Variants in ORC3 observed in about 807,000 individuals in gnomAD.
The protein encoded by ORC3 is origin recognition complex subunit 3.
A neutral mutation model predicts 100.7 loss-of-function variants in ORC3; 78 were observed. That is an observed-to-expected ratio of 0.77 (90% CI 0.65 to 0.94). The LOEUF (loss-of-function observed/expected upper bound fraction) is 0.94. ORC3 is among the 40% of genes least tolerant of loss of function. The pLI is 0.00. For missense variants in ORC3, 789 were observed against 823.9 expected (o/e 0.96, Z 0.52); for synonymous variants, 295 against 289.3 (o/e 1.02, Z -0.20).
chr6:87,629,088 GTGGTTTGGCAT>G, intron 11 of ORC3, among the ~76,000 whole-genome samples: 1 of 152,182 alleles, frequency 6.6e-6, no homozygotes, highest in East Asian at 1.9e-4. Context: ...GGAGAAAGCT[GTGGTTTGGCAT>G]TCTTATTAGA....
At chr6:87,669,079 C>T (rs1183706523), downstream of ORC3, among the ~76,000 whole-genome samples, 1 of 152,222 alleles carries the variant, frequency 6.6e-6, no homozygotes, top group Non-Finnish European at 1.5e-5. Flanking sequence ...ATCGCTTAAA[C>T]CCAGAAGGTG....
chr6:87,641,337 ACTTTTCTACAGTTGACAGAGCTGAAACT>A lies in ORC3; in HGVS notation c.1382+4856_1382+4883del, dbSNP rs150835603. On this transcript the variant is annotated intron_variant, in intron 13 of 19. Coordinates refer to ENST00000392844, the MANE Select transcript of ORC3 (RefSeq NM_012381.4). ...GAGGAAACCAAGGCCAGAAACATTG[ACTTTTCTACAGTTGACAGAGCTGAAACT>A]CTTTCAACCCTATTCCAGTTACTTA... 3.3e-4 allele frequency among the ~76,000 whole-genome samples: 51 copies of A among 152,344 alleles called. No individual in the cohort carries two copies. The East Asian group carries it at 7.9e-3, about 24-fold the overall frequency.
chr6:87,633,128 A>G (rs1191180250), intron 11 of ORC3, among the ~76,000 whole-genome samples: 2 of 152,238 alleles, frequency 1.3e-5, no homozygotes, highest in Non-Finnish European at 2.9e-5. Context: ...ATACTTGTAC[A>G]CATAGCTATT....
At chr6:87,611,990 A>G (rs1778805139) in intron 7 of ORC3, 99 bp from the exon 8 acceptor site, 7 of 1,104,834 alleles carry the variant, frequency 6.3e-6, no homozygotes, top group Non-Finnish European at 9.1e-6. Context: ...TGTCTTATAA[A>G]GTAAGCATTA....
At chr6:87,675,468 G>T in the ORC3 span, 14 of 1,305,578 alleles carry the variant, frequency 1.1e-5, no homozygotes, top group East Asian at 2.4e-5. Context: ...AAGAGTGGTT[G>T]CCACTGACGA....
intron 2 of ORC3, among the ~76,000 whole-genome samples, chr6:87,597,575 A>G (rs1745011423): frequency 6.6e-6 from 1 of 152,134 alleles, no homozygotes; most frequent in African/African-American, 2.4e-5. Context: ...CCCATGTACT[A>G]GTTTTGAATT....
At chr6:87,604,555 G>A (rs1366429495) in intron 4 of ORC3, among the ~76,000 whole-genome samples, 1 of 152,110 alleles carries the variant, frequency 6.6e-6, no homozygotes, top group Non-Finnish European at 1.5e-5. Context: ...TTAAAATCAT[G>A]GTCTGAGGAG....
At chr6:87,605,649 CAAAA>C (rs936455645) in intron 4 of ORC3, among the ~76,000 whole-genome samples, 2 of 115,266 alleles carry the variant, frequency 1.7e-5, no homozygotes, top group Admixed American at 9.2e-5. Context: ...GATTCTGTCT[CAAAA>C]AAAAAAAAAA....
chr6:87,607,336 C>G (rs1207554152), intron 5 of ORC3, among the ~76,000 whole-genome samples: 1 of 151,692 alleles, frequency 6.6e-6, no homozygotes, highest in Non-Finnish European at 1.5e-5. Context: ...AGGCTTGAGG[C>G]AGGAGAATTG....
intron 9 of ORC3, among the ~76,000 whole-genome samples, chr6:87,617,060 G>A (rs948330047): frequency 2.6e-5 from 4 of 152,216 alleles, no homozygotes; most frequent in African/African-American, 9.6e-5. Context: ...GGTTCCCAGA[G>A]TGCTGGGATT....
intron 1 of ORC3, among the ~76,000 whole-genome samples, chr6:87,592,402 G>A (rs1315039844): frequency 6.6e-6 from 1 of 152,036 alleles, no homozygotes; most frequent in Non-Finnish European, 1.5e-5. Context: ...AGGCCGAGGT[G>A]GGTGGATCAT....
chr6:87,607,650 T>G (rs1778439045), intron 5 of ORC3, 23 bp from the exon 6 acceptor site: 2 of 1,560,344 alleles, frequency 1.3e-6, no homozygotes, highest in Non-Finnish European at 1.7e-6. Context: ...GAGATAAGCT[T>G]TCTTACTTTT....
chr6:87,631,426 G>T (rs1047713427), intron 11 of ORC3, among the ~76,000 whole-genome samples: 3 of 152,180 alleles, frequency 2.0e-5, no homozygotes. Flanking sequence ...CATATGGAAA[G>T]TAGGGTTAAT....
chr6:87,594,294 T>C (rs1252593110), intron 1 of ORC3, 59 bp from the exon 2 acceptor site: 2 of 1,256,902 alleles, frequency 1.6e-6, no homozygotes, highest in Non-Finnish European at 2.2e-6. Context: ...ATTTGGTTAA[T>C]CAGATTTCTC....
At chr6:87,643,214 T>G (rs1029556036) in intron 13 of ORC3, among the ~76,000 whole-genome samples, 11 of 152,046 alleles carry the variant, frequency 7.2e-5, no homozygotes, top group African/African-American at 2.7e-4. Flanking sequence ...TCCCAGCACT[T>G]TGGGAGGCGG....
chr6:87,677,535 A>AT, the ORC3 span, among the ~76,000 whole-genome samples: 1 of 152,212 alleles, frequency 6.6e-6, no homozygotes, highest in East Asian at 1.9e-4. Context: ...ATATAAAGTC[A>AT]AAAAATCCAC....
intron 11 of ORC3, 133 bp from the exon 12 acceptor site, chr6:87,634,712 A>G: frequency 1.7e-6 from 1 of 598,598 alleles, no homozygotes; most frequent in South Asian, 2.0e-5. Context: ...TGTATTTCAA[A>G]TTTTCATGAA....
intron 9 of ORC3, among the ~76,000 whole-genome samples, chr6:87,620,822 A>G (rs1233980041): frequency 1.3e-5 from 2 of 152,332 alleles, no homozygotes; most frequent in East Asian, 3.9e-4. Context: ...TTCTATTATT[A>G]AAATGCTTAT....
At chr6:87,590,909 A>G (rs143801600) in intron 1 of ORC3, among the ~76,000 whole-genome samples, 66 of 152,298 alleles carry the variant, frequency 4.3e-4, no homozygotes, top group African/African-American at 1.5e-3. Context: ...GTGTGGTGGG[A>G]TATCTTATAG....
Sources: allele counts gnomAD v4.1 joint callset (sites outside exome capture counted in the v4.1 genomes callset), GRCh38; gene constraint gnomAD v4.1.1; transcripts MANE v1.5; gene names NCBI Gene and HGNC (gene_info 2026-07-23, HGNC 2026-07-21).